The following MERTK variants were observed in gnomAD, a reference collection of about 807,000 sequenced individuals.
MERTK encodes tyrosine-protein kinase Mer.
In MERTK, 69 loss-of-function variants were observed where a neutral mutation model predicts 99.3. The ratio of observed to expected loss-of-function variants is 0.70; its 90% CI spans 0.57 to 0.85. MERTK has a LOEUF of 0.85. MERTK is among the 40% of genes least tolerant of loss of function. The pLI is 0.00. For missense variants in MERTK, 1,125 were observed against 1,249.4 expected (o/e 0.90, Z 1.50); for synonymous variants, 426 against 467.6 (o/e 0.91, Z 1.15).
chr2:111,948,356 T>A (rs1684997102), intron 4 of MERTK, among the ~76,000 whole-genome samples: 1 of 152,166 alleles, frequency 6.6e-6, no homozygotes, highest in Non-Finnish European at 1.5e-5. Context: ...CAGGGCTCAA[T>A]CCTGGGTCCC....
chr2:111,972,966 G>A (rs1054693652), intron 6 of MERTK, among the ~76,000 whole-genome samples: 1 of 152,166 alleles, frequency 6.6e-6, no homozygotes, highest in Non-Finnish European at 1.5e-5. Context: ...GGGACCAAAT[G>A]AATGTTTTGG....
At chr2:112,001,138 A>T (rs1306555108) in intron 10 of MERTK, 63 bp from the exon 11 acceptor site, 1 of 1,260,884 alleles carries the variant, frequency 7.9e-7, no homozygotes, top group Non-Finnish European at 1.2e-6. Context: ...ATCCTTGTGG[A>T]ATCAGTGCCT....
chr2:111,983,276 A>T (rs1676408766), intron 8 of MERTK, among the ~76,000 whole-genome samples: 1 of 152,152 alleles, frequency 6.6e-6, no homozygotes, highest in African/African-American at 2.4e-5. Flanking sequence ...TTATCACCTG[A>T]CTTTTGCCCT....
intron 1 of MERTK, among the ~76,000 whole-genome samples, chr2:111,922,378 G>A (rs1220437478): frequency 1.3e-5 from 2 of 152,248 alleles, no homozygotes; most frequent in African/African-American, 2.4e-5. Context: ...CATCCCTGGA[G>A]AGATTGAGAG....
At chr2:111,899,096 G>A (rs1395154143) in intron 1 of MERTK, among the ~76,000 whole-genome samples, 1 of 152,212 alleles carries the variant, frequency 6.6e-6, no homozygotes, top group African/African-American at 2.4e-5. Flanking sequence ...AATCGAGCTC[G>A]GCCGGGCGCG....
At position 111,982,836 on chromosome 2, in the gene MERTK, T is replaced by C. The variant is rs1252336417; in HGVS notation, c.1145-6T>C. 3.7e-6 allele frequency: 6 copies of C among 1,613,844 alleles called. No individual in the cohort carries two copies. Among genetic ancestry groups the C allele is most frequent in the African/African-American group, 1.3e-5 (1 of 74,904 alleles). On this transcript the variant is annotated splice_polypyrimidine_tract_variant and splice_region_variant and intron_variant, in intron 7 of 18. Transcript: ENST00000295408. ...CTTCATTCTTCTCTCCTTTTTTCTT[T>C]TGTAGCCCCATCAGTAGCACCTTTA...
At position 112,022,434 on chromosome 2, in the gene MERTK, G is replaced by A. The variant is rs202005384; in HGVS notation, c.2486+40G>A. 1.5e-3 allele frequency: 2,365 copies of A among 1,613,972 alleles called. 4 individuals are homozygous for A. Among genetic ancestry groups the A allele is most frequent in the Non-Finnish European group, 1.8e-3 (2,112 of 1,179,894 alleles). The stretch of plus-strand genomic sequence containing the variant: ...CTGTCTCCCTTCCATACTCTGCATG[G>A]GGCAGCCACCTGGCTCTGCACTGAC... On this transcript the variant is annotated intron_variant, in intron 18 of 18. Coordinates refer to ENST00000295408, the MANE Select transcript of MERTK (RefSeq NM_006343.3).
chr2:111,939,654 ATTTTTTTTTTTT>A (rs1184269274), intron 2 of MERTK, among the ~76,000 whole-genome samples: 4 of 88,262 alleles, frequency 4.5e-5, no homozygotes, highest in Non-Finnish European at 6.9e-5. Context: ...CTAATTTTTA[ATTTTTTTTTTTT>A]TTTTTTTTTT....
At chr2:111,903,024 C>T (rs1166405554) in intron 1 of MERTK, among the ~76,000 whole-genome samples, 1 of 152,196 alleles carries the variant, frequency 6.6e-6, no homozygotes, top group Non-Finnish European at 1.5e-5. Flanking sequence ...GGTGATCCGC[C>T]TACCTCAGCC....
chr2:112,003,688 G>A (rs1676915994), intron 12 of MERTK, among the ~76,000 whole-genome samples: 2 of 152,148 alleles, frequency 1.3e-5, no homozygotes, highest in African/African-American at 4.8e-5. Flanking sequence ...ATGAGCAAAG[G>A]TAGGCCCAAG....
chr2:111,911,784 G>A (rs1684254383), intron 1 of MERTK, among the ~76,000 whole-genome samples: 1 of 147,242 alleles, frequency 6.8e-6, no homozygotes, highest in African/African-American at 2.5e-5. Flanking sequence ...AAACTCCTGG[G>A]CTCAAGTGAT....
chr2:111,975,003 A>G (rs562680129), intron 6 of MERTK, among the ~76,000 whole-genome samples: 4 of 152,282 alleles, frequency 2.6e-5, no homozygotes, highest in African/African-American at 9.6e-5. Context: ...TTTATTTTAT[A>G]GTATAATATG....
At chr2:111,901,559 CTTTTTT>C (rs11459119) in intron 1 of MERTK, among the ~76,000 whole-genome samples, 3 of 131,198 alleles carry the variant, frequency 2.3e-5, no homozygotes, top group African/African-American at 5.8e-5. Context: ...TTCTTTCTTT[CTTTTTT>C]TTTTTTTTTT....
chr2:112,012,303 C>A (rs1677122899), intron 15 of MERTK, among the ~76,000 whole-genome samples: 1 of 96,028 alleles, frequency 1.0e-5, no homozygotes. Context: ...ATTCACTTCC[C>A]CCCCACCCCC....
intron 16 of MERTK, chr2:112,021,215 A>G (rs974747094): frequency 4.7e-6 from 1 of 212,666 alleles, no homozygotes; most frequent in Non-Finnish European, 8.1e-6. Flanking sequence ...TCTCAAAAAA[A>G]AAATTGCATC....
At chr2:111,976,876 A>G (rs1338174557) in intron 7 of MERTK, among the ~76,000 whole-genome samples, 17 of 151,930 alleles carry the variant, frequency 1.1e-4, no homozygotes. Flanking sequence ...TTTAGGATTC[A>G]CAGTGTACAT....
At chr2:111,915,153 C>G in intron 1 of MERTK, among the ~76,000 whole-genome samples, 1 of 152,166 alleles carries the variant, frequency 6.6e-6, no homozygotes, top group East Asian at 1.9e-4. Flanking sequence ...TTCACTTCCT[C>G]TATGCTACCA....
intron 8 of MERTK, 89 bp downstream of exon 8, chr2:111,983,082 A>G (rs1294317305): frequency 3.0e-5 from 46 of 1,512,708 alleles, no homozygotes; most frequent in Non-Finnish European, 4.1e-5. Flanking sequence ...TTTGGTTTTG[A>G]AAAGACCTGG....
rs754991774 is a variant in MERTK, at chr2:112,028,373, T to C, written c.2509T>C (p.Trp837Arg). ...CAGGTATGAAATAATGTACTCTTGCTGGAGAACCGATCCCTTAGACCGCCC... is the reference window on the plus strand; with the variant it reads ...CAGGTATGAAATAATGTACTCTTGCCGGAGAACCGATCCCTTAGACCGCCC... The part of the protein sequence containing the change: ...DELYEIMYSC[W>R]RTDPLDRPTF... The change falls in exon 19 of 19, where the codon TGG becomes CGG. Residue 837 changes from tryptophan (W) to arginine (R), a missense_variant. By Grantham distance (101) the Trp-to-Arg change is moderately radical. Transcript: ENST00000295408. 2.5e-6 allele frequency: 4 copies of C among 1,614,216 alleles called. No individual in the cohort carries two copies. Among genetic ancestry groups the C allele is most frequent in the Non-Finnish European group, 3.4e-6 (4 of 1,180,026 alleles).
Sources: gnomAD v4.1 joint callset for allele counts (sites outside exome capture counted in the v4.1 genomes callset) on GRCh38, gnomAD v4.1.1 for gene constraint, MANE v1.5 for transcripts, NCBI Gene and HGNC (gene_info 2026-07-23, HGNC 2026-07-21) for gene names.